GMEB1: variants seen among roughly 807,000 people sequenced by gnomAD.
GMEB1 encodes glucocorticoid modulatory element-binding protein 1.
A neutral mutation model predicts 52.4 loss-of-function variants in GMEB1; 6 were observed. The observed-to-expected ratio is 0.11, with a 90% confidence interval of 0.06 to 0.23. The LOEUF is 0.23. Among genes scored for constraint, GMEB1 ranks in the 10% least tolerant of loss-of-function variants. The pLI, the probability that GMEB1 is intolerant of heterozygous loss-of-function variation, is 1.00. For missense variants in GMEB1, 486 were observed against 685.6 expected, an observed-to-expected ratio of 0.71 and a Z score of 3.25; for synonymous variants, 255 against 244.9, an observed-to-expected ratio of 1.04 and a Z score of -0.38.
chr1:28,684,309 A>G (rs1669529316), intron 2 of GMEB1, among the ~76,000 whole-genome samples: 1 of 152,048 alleles, frequency 6.6e-6, no homozygotes, highest in Non-Finnish European at 1.5e-5. Context: ...CACGCCTGTA[A>G]TCCCAGCACT....
chr1:28,681,026 A>G (rs1374711696), intron 1 of GMEB1, among the ~76,000 whole-genome samples: 1 of 152,182 alleles, frequency 6.6e-6, no homozygotes, highest in African/African-American at 2.4e-5. Flanking sequence ...CCTGGGCAAC[A>G]AGAACGAAAC....
chr1:28,696,483 A>G (rs907781866), intron 5 of GMEB1, among the ~76,000 whole-genome samples: 1 of 152,172 alleles, frequency 6.6e-6, no homozygotes, highest in Non-Finnish European at 1.5e-5. Flanking sequence ...AAAAATCTTT[A>G]GTGAAAGCCA....
At chr1:28,675,216 A>G (rs1669095458) in intron 1 of GMEB1, among the ~76,000 whole-genome samples, 1 of 141,456 alleles carries the variant, frequency 7.1e-6, no homozygotes, top group African/African-American at 2.6e-5. Flanking sequence ...ACGAGGTTTC[A>G]CCATGTTAGC....
At chr1:28,676,863 C>A (rs1420284533) in intron 1 of GMEB1, among the ~76,000 whole-genome samples, 1 of 152,026 alleles carries the variant, frequency 6.6e-6, no homozygotes, top group East Asian at 1.9e-4. Context: ...ACCAGCCTGG[C>A]CAAGATGGTG....
intron 6 of GMEB1, among the ~76,000 whole-genome samples, chr1:28,699,020 G>A (rs1670365858): frequency 6.6e-6 from 1 of 152,066 alleles, no homozygotes; most frequent in African/African-American, 2.4e-5. Context: ...CTTTACTAGT[G>A]GTCAACACAA....
intron 1 of GMEB1, among the ~76,000 whole-genome samples, chr1:28,681,618 A>G (rs1236811733): frequency 6.6e-6 from 1 of 152,136 alleles, no homozygotes; most frequent in Non-Finnish European, 1.5e-5. Context: ...CCATTGAGGG[A>G]ATTCAGAGTG....
At chr1:28,709,007 G>A (rs922300648) in intron 8 of GMEB1, among the ~76,000 whole-genome samples, 38 of 151,844 alleles carry the variant, frequency 2.5e-4, no homozygotes, top group Non-Finnish European at 4.9e-4. Context: ...TGTGGCGGGC[G>A]CCTGTAATCC....
intron 7 of GMEB1, 25 bp from the exon 8 acceptor site, chr1:28,704,167 C>G: frequency 1.3e-6 from 2 of 1,585,778 alleles, no homozygotes; most frequent in South Asian, 1.2e-5. Context: ...CTTTTTTACC[C>G]TCTGTCTTAT....
chr1:28,705,508 G>A (rs1029349404), intron 8 of GMEB1, among the ~76,000 whole-genome samples: 1 of 147,710 alleles, frequency 6.8e-6, no homozygotes, highest in Non-Finnish European at 1.5e-5. Context: ...GGAGTGCAGT[G>A]GCGTGATCTC....
At position 28,702,522 on chromosome 1, in the gene GMEB1, C is replaced by G. The variant is rs768865526; in HGVS notation, c.683C>G (p.Thr228Ser). 1.2e-6 allele frequency: 2 copies of G among 1,613,666 alleles called. No homozygotes were observed. The highest frequency in any genetic ancestry group is 3.3e-5 in the Admixed American group (2 of 59,972). Residue 228 changes from threonine to serine, a missense_variant, in exon 7 of 10, where the codon ACC becomes AGC. Thr to Ser is a moderately conservative substitution (Grantham distance 58). Coordinates refer to ENST00000373816, the MANE Select transcript of GMEB1 (RefSeq NM_001319674.2). ...AACTCAGCTCTCACCGCTGCTGTCA[C>G]CATGGCCACGGAGGAGGGTGTAAAG... ...EWNSALTAAV[T>S]MATEEGVKKD...
intron 9 of GMEB1, among the ~76,000 whole-genome samples, chr1:28,712,678 G>C (rs1327984715): frequency 6.6e-6 from 1 of 151,828 alleles, no homozygotes; most frequent in African/African-American, 2.4e-5. Flanking sequence ...TATTAGCTGG[G>C]TGTGGTGTTG....
rs1671327643 is a variant in GMEB1 at position 28,718,550 on chromosome 1, A to G, written c.*3777A>G. ...TAGGAGTTCAAGGCTGTAGTGAGCT[A>G]TGACTTTGCCACTGTACTCTAGCCC... On this transcript the variant is annotated 3_prime_UTR_variant, in exon 10 of 10. Coordinates refer to ENST00000373816, the MANE Select transcript of GMEB1 (RefSeq NM_001319674.2). 1 of 152,248 alleles carries G rather than the reference A, an allele frequency of 6.6e-6. No individual in the cohort carries two copies. Among genetic ancestry groups the G allele is most frequent in the South Asian group, 2.1e-4 (1 of 4,836 alleles). 9.4% of individuals were successfully genotyped at this position (152,248 alleles called of 1,614,324 possible).
chr1:28,703,804 A>T (rs539810514), intron 7 of GMEB1, among the ~76,000 whole-genome samples: 2 of 152,202 alleles, frequency 1.3e-5, no homozygotes, highest in East Asian at 3.9e-4. Flanking sequence ...TTAATATTTC[A>T]TTTCTTTACT....
chr1:28,691,991 G>C (rs1669987857), intron 4 of GMEB1, among the ~76,000 whole-genome samples: 1 of 151,122 alleles, frequency 6.6e-6, no homozygotes, highest in African/African-American at 2.4e-5. Flanking sequence ...GACCAGCCTG[G>C]GCAAAATGGT....
At chr1:28,675,505 C>T (rs940535597) in intron 1 of GMEB1, among the ~76,000 whole-genome samples, 1 of 151,580 alleles carries the variant, frequency 6.6e-6, no homozygotes, top group Admixed American at 6.6e-5. Flanking sequence ...CGTGGTGAAA[C>T]CCCGTCACTA....
chr1:28,701,066 G>T (rs1400164616), intron 6 of GMEB1, among the ~76,000 whole-genome samples: 2 of 152,036 alleles, frequency 1.3e-5, no homozygotes, highest in East Asian at 3.9e-4. Context: ...TACAGATTTG[G>T]TTATATATGC....
At chr1:28,689,110 G>A (rs759360229) in intron 2 of GMEB1, among the ~76,000 whole-genome samples, 1 of 151,724 alleles carries the variant, frequency 6.6e-6, no homozygotes, top group Non-Finnish European at 1.5e-5. Flanking sequence ...GGCTGGTGTC[G>A]AACTCCACAC....
At chr1:28,706,330 C>T (rs191772942) in intron 8 of GMEB1, among the ~76,000 whole-genome samples, 4 of 151,974 alleles carry the variant, frequency 2.6e-5, no homozygotes, top group South Asian at 4.2e-4. Context: ...ATGGGCCAGG[C>T]GTTGTGGCTC....
chr1:28,688,690 C>T (rs1669806840), intron 2 of GMEB1, among the ~76,000 whole-genome samples: 1 of 151,896 alleles, frequency 6.6e-6, no homozygotes, highest in Admixed American at 6.6e-5. Flanking sequence ...TGCTAAAATG[C>T]TAAAAACAAA....
Sources: gnomAD v4.1 joint callset for allele counts (sites outside exome capture counted in the v4.1 genomes callset) on GRCh38, gnomAD v4.1.1 for gene constraint, MANE v1.5 for transcripts, NCBI Gene and HGNC (gene_info 2026-07-23, HGNC 2026-07-21) for gene names.